Variants in YPEL1 observed in about 807,000 individuals in gnomAD.
YPEL1 encodes yippee like 1.
In YPEL1, 7 loss-of-function variants were observed where a neutral mutation model predicts 17.3. The observed-to-expected ratio is 0.40, with a 90% CI of 0.23 to 0.76. The LOEUF (loss-of-function observed/expected upper bound fraction) is 0.76, where lower values mean the gene tolerates loss of function less well. YPEL1 is among the 30% of genes least tolerant of loss of function. The probability of loss-of-function intolerance (pLI) is 0.35; values close to 1 mark genes in which losing one functional copy is unlikely to be tolerated. For missense variants in YPEL1, 91 were observed against 155.5 expected (o/e 0.59, Z 2.21); for synonymous variants, 59 against 59.6 (o/e 0.99, Z 0.05).
At chr22:21,709,636 A>G (rs1184293710) in intron 2 of YPEL1, among the ~76,000 whole-genome samples, 2 of 152,236 alleles carry the variant, frequency 1.3e-5, no homozygotes, top group East Asian at 1.9e-4. Flanking sequence ...AGTAAATAAA[A>G]TACCTATTTA....
intron 1 of YPEL1, among the ~76,000 whole-genome samples, chr22:21,731,920 G>A (rs151246892): frequency 1.1e-4 from 16 of 152,280 alleles, no homozygotes; most frequent in Non-Finnish European, 2.4e-4. Context: ...CTTACGGCAG[G>A]AGCATGTGTC....
chr22:21,710,968 C>T (rs191221091), intron 1 of YPEL1, 60 bp from the exon 2 acceptor site: 55 of 537,736 alleles, frequency 1.0e-4, no homozygotes, highest in African/African-American at 8.9e-4. Flanking sequence ...GAAGCAGGTA[C>T]ATATGGGATT....
intron 1 of YPEL1, among the ~76,000 whole-genome samples, chr22:21,734,314 G>C (rs372828419): frequency 2.6e-5 from 4 of 152,236 alleles, no homozygotes; most frequent in Admixed American, 2.0e-4. Context: ...AATGCACCCA[G>C]GTGTTTTTCA....
intron 1 of YPEL1, among the ~76,000 whole-genome samples, chr22:21,720,140 T>G (rs1225150025): frequency 7.5e-6 from 1 of 133,578 alleles, no homozygotes; most frequent in African/African-American, 2.8e-5. Flanking sequence ...ATAGCACCAA[T>G]GCACTCTAGC....
At chr22:21,705,887 TG>T in intron 2 of YPEL1, among the ~76,000 whole-genome samples, 1 of 151,888 alleles carries the variant, frequency 6.6e-6, no homozygotes, top group African/African-American at 2.4e-5. Flanking sequence ...CCCAGCACTT[TG>T]GGGGGCCGAG....
intron 1 of YPEL1, among the ~76,000 whole-genome samples, chr22:21,713,665 C>G (rs1163383194): frequency 1.3e-5 from 2 of 152,050 alleles, no homozygotes; most frequent in Non-Finnish European, 2.9e-5. Flanking sequence ...GATGGCTGTA[C>G]AAAAATGTGA....
intron 1 of YPEL1, among the ~76,000 whole-genome samples, chr22:21,731,309 A>G (rs1363730100): frequency 6.6e-6 from 1 of 150,674 alleles, no homozygotes; most frequent in African/African-American, 2.4e-5. Context: ...TCCAGCCTGG[A>G]TGACAGAGTG....
chr22:21,701,025 G>A lies in YPEL1; in HGVS notation c.*104C>T. The A allele has an allele frequency of 9.9e-7, 1 of 1,006,756 alleles. No individual in the cohort carries two copies. The allele number at this position is 1,006,756 out of a possible 1,614,324, so 62.4% of individuals were successfully genotyped here. A position where few individuals can be genotyped will look rare whatever the true frequency, so the allele number is the denominator to read the frequency against. ...AGAGCTATGCGCAGCTAGCCTTTGA[G>A]GTCAGAGGGCAAGAAAGGCTGTCAC... On this transcript the variant is annotated 3_prime_UTR_variant, in exon 5 of 5. Transcript: ENST00000339468.
chr22:21,726,182 G>C (rs1462570352), intron 1 of YPEL1, among the ~76,000 whole-genome samples: 2 of 152,102 alleles, frequency 1.3e-5, no homozygotes, highest in Admixed American at 6.5e-5. Flanking sequence ...TCCCCAAAGA[G>C]CAGTGCACAA....
rs2068089845 is a variant in YPEL1, at chr22:21,703,820, G to T, written c.161+19C>A. 1.9e-6 allele frequency: 3 copies of T among 1,607,796 alleles called. No individual in the cohort carries two copies. Among genetic ancestry groups the T allele is most frequent in the Non-Finnish European group, 2.5e-6 (3 of 1,177,232 alleles). ...CCAGGGCCCGTGCCGCTCCCCCCGG[G>T]CTGAACCAGGGTACTCACACGGAAT... On this transcript the variant is annotated intron_variant, in intron 3 of 4. Transcript: ENST00000339468. The surrounding 1 kb of genome is among the most constrained non-coding windows in gnomAD (Gnocchi z 6.1).
chr22:21,704,088 G>C (rs140958846), intron 2 of YPEL1: 5 of 722,664 alleles, frequency 6.9e-6, no homozygotes, highest in African/African-American at 1.7e-5. Context: ...TTGTAGACAG[G>C]AGTGGCTGAT....
At chr22:21,714,383 G>A (rs1601632162) in intron 1 of YPEL1, among the ~76,000 whole-genome samples, 1 of 152,106 alleles carries the variant, frequency 6.6e-6, no homozygotes, top group Non-Finnish European at 1.5e-5. Context: ...GCTGTGCCCC[G>A]TGTGTGGCCC....
At chr22:21,726,099 G>T (rs1405350742) in intron 1 of YPEL1, among the ~76,000 whole-genome samples, 1 of 152,316 alleles carries the variant, frequency 6.6e-6, no homozygotes, top group East Asian at 1.9e-4. Flanking sequence ...TCTGCGGGCA[G>T]GGGCCGTGGG....
chr22:21,731,597 G>A (rs1204534551), intron 1 of YPEL1, among the ~76,000 whole-genome samples: 1 of 151,588 alleles, frequency 6.6e-6, no homozygotes, highest in Non-Finnish European at 1.5e-5. Context: ...AGGGGGAAGC[G>A]TTTGGGTGGC....
intron 1 of YPEL1, among the ~76,000 whole-genome samples, chr22:21,722,137 T>C (rs1011451974): frequency 2.0e-5 from 3 of 152,148 alleles, no homozygotes; most frequent in Non-Finnish European, 2.9e-5. Flanking sequence ...AGTGGCCATT[T>C]GGCCAGCGCG....
chr22:21,703,519 G>GCCCCA lies in YPEL1; in HGVS notation c.162-42_162-41insTGGGG. ...GGCCACTGCGCTGCAGGCCCGGCCC[G>GCCCCA]CCCCTGACCAGGCCCTGCCCCCTCA... On this transcript the variant is annotated intron_variant, in intron 3 of 4. Transcript: ENST00000339468. This position sits in a 1 kb window ranked among gnomAD's most constrained non-coding sequence, Gnocchi z 6.1. 10 of 1,560,656 alleles carry GCCCCA rather than the reference G, an allele frequency of 6.4e-6. No homozygotes were observed. Among genetic ancestry groups the GCCCCA allele is most frequent in the Non-Finnish European group, 8.7e-6 (10 of 1,143,932 alleles).
At position 21,703,129 on chromosome 22, in the gene YPEL1, G is replaced by T. The variant is rs1053637609; in HGVS notation, c.270+241C>A. Among the ~76,000 whole-genome samples, 1 of 152,156 alleles carries T rather than the reference G, an allele frequency of 6.6e-6. No homozygotes were observed. Reference sequence around the variant, plus strand: ...AGAGCCTGGCTTAGGAAGAAACAGGGCTTGAAAACATGGTGTTTTTGTTTT... The same window carrying T: ...AGAGCCTGGCTTAGGAAGAAACAGGTCTTGAAAACATGGTGTTTTTGTTTT... On this transcript the variant is annotated intron_variant, in intron 4 of 4. Coordinates refer to ENST00000339468, the MANE Select transcript of YPEL1 (RefSeq NM_013313.5). The surrounding 1 kb of genome is among the most constrained non-coding windows in gnomAD (Gnocchi z 6.1).
chr22:21,706,417 C>T lies in YPEL1; in HGVS notation c.118-2535G>A, dbSNP rs115070774. Among the ~76,000 whole-genome samples the T allele has an allele frequency of 5.3e-3, 783 of 148,996 alleles. 3 individuals carry two copies. The highest frequency in any genetic ancestry group is 0.018 in the African/African-American group (738 of 40,312). ...GCCACTGCACTCCAGACTGGGCTAC[C>T]GAGTCAGGCTCCGTCTCACAAAAAA... On this transcript the variant is annotated intron_variant, in intron 2 of 4. Transcript: ENST00000339468.
At chr22:21,713,765 G>A (rs147546054) in intron 1 of YPEL1, among the ~76,000 whole-genome samples, 3 of 152,252 alleles carry the variant, frequency 2.0e-5, no homozygotes, top group East Asian at 1.9e-4. Context: ...AAAGAAGAGT[G>A]TATCATTTTT....
Sources: gnomAD v4.1 joint callset for allele counts (sites outside exome capture counted in the v4.1 genomes callset) on GRCh38, gnomAD v4.1.1 for gene constraint, Gnocchi (gnomAD v3.1) non-coding constraint, MANE v1.5 for transcripts, NCBI Gene and HGNC (gene_info 2026-07-23, HGNC 2026-07-21) for gene names.